The following FARS2 variants were observed in gnomAD, a reference collection of about 807,000 sequenced individuals.
FARS2 encodes phenylalanyl-tRNA synthetase 2, mitochondrial, also known as phenylalanine--tRNA ligase, mitochondrial.
FARS2 carries 40 observed loss-of-function variants against 46.4 expected under a neutral mutation model. The ratio of observed to expected loss-of-function variants is 0.86; its 90% confidence interval spans 0.67 to 1.12. FARS2 has a LOEUF of 1.12. FARS2 is among the 50% of genes most tolerant of loss of function. The pLI is 0.00. For missense variants in FARS2, 513 were observed against 567.9 expected (o/e 0.90, Z 0.98); for synonymous variants, 234 against 214.9 (o/e 1.09, Z -0.78).
chr6:5,656,493 C>T (rs1777611323), intron 6 of FARS2, among the ~76,000 whole-genome samples: 1 of 152,092 alleles, frequency 6.6e-6, no homozygotes, highest in Non-Finnish European at 1.5e-5. Flanking sequence ...CCCCAGAGCA[C>T]CAGAGCAGTG....
At chr6:5,575,075 A>G (rs925551936) in intron 5 of FARS2, among the ~76,000 whole-genome samples, 1 of 152,214 alleles carries the variant, frequency 6.6e-6, no homozygotes, top group Non-Finnish European at 1.5e-5. Flanking sequence ...CTATAACTCA[A>G]ACATGAGTAT....
chr6:5,449,226 G>A (rs1401591122), intron 4 of FARS2, among the ~76,000 whole-genome samples: 2 of 151,840 alleles, frequency 1.3e-5, no homozygotes, highest in Non-Finnish European at 2.9e-5. Context: ...GTGGGCACCT[G>A]TAATACCAGC....
intron 1 of FARS2, among the ~76,000 whole-genome samples, chr6:5,327,157 C>T (rs1721636150): frequency 6.6e-6 from 1 of 152,078 alleles, no homozygotes; most frequent in South Asian, 2.1e-4. Flanking sequence ...CAGCCTTCCC[C>T]CTAACAAAAA....
intron 2 of FARS2, among the ~76,000 whole-genome samples, chr6:5,392,860 G>A (rs1365447763): frequency 4.1e-5 from 6 of 146,524 alleles, no homozygotes; most frequent in Admixed American, 1.4e-4. Flanking sequence ...TTATATGTGT[G>A]TGTATATATT....
chr6:5,497,678 C>T (rs1040124225), intron 4 of FARS2, among the ~76,000 whole-genome samples: 2 of 152,100 alleles, frequency 1.3e-5, no homozygotes, highest in African/African-American at 4.8e-5. Flanking sequence ...TCTTATAGTT[C>T]TCTAAATATA....
intron 2 of FARS2, among the ~76,000 whole-genome samples, chr6:5,377,466 A>G (rs1025188421): frequency 7.2e-5 from 11 of 152,202 alleles, no homozygotes; most frequent in African/African-American, 2.7e-4. Context: ...TGCAGGCAAT[A>G]CTTCCTCCTG....
intron 5 of FARS2, among the ~76,000 whole-genome samples, chr6:5,556,543 C>T (rs1023405596): frequency 6.6e-6 from 1 of 151,650 alleles, no homozygotes; most frequent in African/African-American, 2.4e-5. Context: ...GGATTGTGGC[C>T]CTCTGCTTGT....
chr6:5,620,355 T>C (rs1005547634), intron 6 of FARS2, among the ~76,000 whole-genome samples: 3 of 152,164 alleles, frequency 2.0e-5, no homozygotes, highest in Non-Finnish European at 2.9e-5. Context: ...TTCATAAAAT[T>C]GTACTTCATT....
At chr6:5,663,846 A>G (rs1777968027) in intron 6 of FARS2, among the ~76,000 whole-genome samples, 1 of 152,222 alleles carries the variant, frequency 6.6e-6, no homozygotes, top group South Asian at 2.1e-4. Context: ...CTTGCTCCTT[A>G]GATCTCCAGG....
intron 4 of FARS2, among the ~76,000 whole-genome samples, chr6:5,476,860 G>A (rs1766152458): frequency 6.6e-6 from 1 of 152,174 alleles, no homozygotes; most frequent in African/African-American, 2.4e-5. Flanking sequence ...GGGAGGAATA[G>A]GATGTAGGAG....
intron 2 of FARS2, among the ~76,000 whole-genome samples, chr6:5,380,281 A>G (rs1759670418): frequency 6.6e-6 from 1 of 152,216 alleles, no homozygotes; most frequent in Admixed American, 6.5e-5. Context: ...CAGGAAAATT[A>G]TTGCCATTTA....
intron 6 of FARS2, among the ~76,000 whole-genome samples, chr6:5,691,704 T>C (rs1757733831): frequency 6.6e-6 from 1 of 152,184 alleles, no homozygotes; most frequent in African/African-American, 2.4e-5. Flanking sequence ...GAACCACTGC[T>C]CTCTTCAAAG....
chr6:5,691,584 T>G (rs1486456823), intron 6 of FARS2, among the ~76,000 whole-genome samples: 1 of 152,138 alleles, frequency 6.6e-6, no homozygotes, highest in African/African-American at 2.4e-5. Flanking sequence ...CCGTGTGAGG[T>G]GTCAGTCTGC....
intron 1 of FARS2, among the ~76,000 whole-genome samples, chr6:5,304,130 A>G (rs1256798490): frequency 6.6e-6 from 1 of 152,234 alleles, no homozygotes; most frequent in Non-Finnish European, 1.5e-5. Context: ...CAGTATTACA[A>G]AAAGCTTAGA....
intron 2 of FARS2, among the ~76,000 whole-genome samples, chr6:5,396,904 C>G (rs375644706): frequency 6.6e-6 from 1 of 152,254 alleles, no homozygotes; most frequent in African/African-American, 2.4e-5. Flanking sequence ...TGTCCCCTAC[C>G]TAGGCCCTCA....
intron 6 of FARS2, among the ~76,000 whole-genome samples, chr6:5,694,588 C>T (rs1396256871): frequency 1.3e-5 from 2 of 151,870 alleles, no homozygotes; most frequent in Non-Finnish European, 2.9e-5. Context: ...GATAAGAGAC[C>T]GAGTGTGAAT....
chr6:5,681,323 C>A (rs934395303), intron 6 of FARS2, among the ~76,000 whole-genome samples: 1 of 152,068 alleles, frequency 6.6e-6, no homozygotes, highest in African/African-American at 2.4e-5. Context: ...AAAAAGTTCA[C>A]AATATAACAA....
intron 6 of FARS2, among the ~76,000 whole-genome samples, chr6:5,623,733 T>C (rs6911070): frequency 7.4e-6 from 1 of 134,502 alleles, no homozygotes; most frequent in African/African-American, 3.8e-5. Context: ...ATAAATAAAA[T>C]AAAGACTTTG....
At chr6:5,769,433 G>A (rs573169247) in intron 6 of FARS2, among the ~76,000 whole-genome samples, 1 of 152,358 alleles carries the variant, frequency 6.6e-6, no homozygotes, top group East Asian at 1.9e-4. Flanking sequence ...TTTGGTGCCT[G>A]AAAGGCTTGG....
Sources: allele counts gnomAD v4.1 joint callset (sites outside exome capture counted in the v4.1 genomes callset), GRCh38; gene constraint gnomAD v4.1.1; transcripts MANE v1.5; gene names NCBI Gene and HGNC (gene_info 2026-07-23, HGNC 2026-07-21).